Variants in ANKS1B observed in about 807,000 individuals in gnomAD.
The protein encoded by ANKS1B is ankyrin repeat and sterile alpha motif domain-containing protein 1B.
A neutral mutation model predicts 148.3 loss-of-function variants in ANKS1B; 36 were observed. That is an observed-to-expected ratio of 0.24 (90% CI 0.19 to 0.32). The LOEUF (loss-of-function observed/expected upper bound fraction) is 0.32. ANKS1B is among the 10% of genes least tolerant of loss of function. The pLI, the probability that ANKS1B is intolerant of heterozygous loss-of-function variation, is 1.00. For synonymous variants in ANKS1B, 542 were observed against 560.8 expected, an observed-to-expected ratio of 0.97 and a Z score of 0.47; for missense variants, 1,157 against 1,542.6, an observed-to-expected ratio of 0.75 and a Z score of 4.19.
At chr12:98,962,319 C>G (rs939529988) in intron 17 of ANKS1B, among the ~76,000 whole-genome samples, 2 of 150,844 alleles carry the variant, frequency 1.3e-5, no homozygotes, top group Non-Finnish European at 3.0e-5. Flanking sequence ...AAGACAAAAA[C>G]TATAAGAAGA....
intron 14 of ANKS1B, among the ~76,000 whole-genome samples, chr12:99,167,967 T>C (rs2077353396): frequency 6.6e-6 from 1 of 152,220 alleles, no homozygotes; most frequent in African/African-American, 2.4e-5. Context: ...TTCTGTATGA[T>C]TCCATTTATA....
chr12:99,883,048 T>C (rs1164082752), intron 1 of ANKS1B, among the ~76,000 whole-genome samples: 1 of 152,202 alleles, frequency 6.6e-6, no homozygotes, highest in Non-Finnish European at 1.5e-5. Flanking sequence ...AATGATGCCA[T>C]ATGCAAATGT....
intron 8 of ANKS1B, among the ~76,000 whole-genome samples, chr12:99,759,793 T>C (rs2061911911): frequency 6.6e-6 from 1 of 151,960 alleles, no homozygotes; most frequent in East Asian, 1.9e-4. Context: ...TTATCCAGAA[T>C]GTGAGGTTAA....
intron 17 of ANKS1B, among the ~76,000 whole-genome samples, chr12:98,898,025 G>A (rs2099767226): frequency 6.6e-6 from 1 of 152,156 alleles, no homozygotes; most frequent in Non-Finnish European, 1.5e-5. Context: ...TGGACATACA[G>A]AGGGAAACAG....
intron 17 of ANKS1B, among the ~76,000 whole-genome samples, chr12:98,842,841 C>A (rs912893202): frequency 1.3e-5 from 2 of 152,176 alleles, no homozygotes; most frequent in African/African-American, 4.8e-5. Context: ...GCTAATAGAT[C>A]AGTAGCATAT....
At chr12:99,610,286 T>C (rs1446001554) in intron 9 of ANKS1B, among the ~76,000 whole-genome samples, 1 of 152,022 alleles carries the variant, frequency 6.6e-6, no homozygotes, top group East Asian at 1.9e-4. Context: ...CTAATGGTAA[T>C]AGACTGAGTA....
chr12:99,714,597 G>A (rs1327223613), intron 8 of ANKS1B, among the ~76,000 whole-genome samples: 1 of 151,990 alleles, frequency 6.6e-6, no homozygotes, highest in African/African-American at 2.4e-5. Context: ...TGTTACTACT[G>A]TAATCACTTG....
chr12:99,027,025 CTG>C (rs1272793745), intron 17 of ANKS1B, among the ~76,000 whole-genome samples: 4 of 152,146 alleles, frequency 2.6e-5, no homozygotes, highest in Admixed American at 2.6e-4. Flanking sequence ...ATTTACAAGT[CTG>C]TAAGTTTGAG....
At chr12:99,067,745 A>C (rs1413755332) in intron 16 of ANKS1B, among the ~76,000 whole-genome samples, 1 of 152,156 alleles carries the variant, frequency 6.6e-6, no homozygotes, top group African/African-American at 2.4e-5. Context: ...CCCCTTTTAT[A>C]TTTATAGTTA....
At chr12:99,262,505 AAAT>A (rs1211722295) in intron 12 of ANKS1B, among the ~76,000 whole-genome samples, 1 of 152,070 alleles carries the variant, frequency 6.6e-6, no homozygotes, top group Non-Finnish European at 1.5e-5. Context: ...TCTGTTTATA[AAAT>A]AATATCTGTT....
intron 9 of ANKS1B, among the ~76,000 whole-genome samples, chr12:99,646,717 G>T (rs2098371348): frequency 6.8e-6 from 1 of 147,366 alleles, no homozygotes; most frequent in South Asian, 2.1e-4. Context: ...GTGTGTGTGT[G>T]TTTGTGTTCA....
At chr12:99,188,129 C>T (rs1476978681) in intron 14 of ANKS1B, among the ~76,000 whole-genome samples, 2 of 152,004 alleles carry the variant, frequency 1.3e-5, no homozygotes, top group African/African-American at 4.8e-5. Context: ...AGGATCAATG[C>T]AACAAAAAGA....
chr12:99,467,120 C>A (rs1474200022), intron 10 of ANKS1B, among the ~76,000 whole-genome samples: 1 of 152,178 alleles, frequency 6.6e-6, no homozygotes, highest in Non-Finnish European at 1.5e-5. Flanking sequence ...CCCTGGGATG[C>A]AAGGCTGGTT....
intron 8 of ANKS1B, among the ~76,000 whole-genome samples, chr12:99,674,170 G>A (rs999473238): frequency 4.6e-5 from 7 of 151,830 alleles, no homozygotes; most frequent in Non-Finnish European, 4.4e-5. Flanking sequence ...AATAATGTTT[G>A]AGAAAGCTGA....
chr12:99,832,040 A>G (rs2084091710), intron 1 of ANKS1B, among the ~76,000 whole-genome samples: 1 of 152,204 alleles, frequency 6.6e-6, no homozygotes, highest in African/African-American at 2.4e-5. Flanking sequence ...GATGGGCACA[A>G]ATTTTTAAAG....
rs1018934230 is a variant in ANKS1B, at chr12:98,920,810, T to A, written c.2779-88674A>T. Among the ~76,000 whole-genome samples the A allele has an allele frequency of 2.0e-5, 3 of 152,250 alleles. No individual in the cohort carries two copies. In the South Asian group the frequency reaches 6.2e-4, roughly 31 times the overall value. ...GCAATGAAATCTCCTTAGAGTTTTA[T>A]CTTTAAATCATTGATCTCAATGGAT... On this transcript the variant is annotated intron_variant, in intron 17 of 26. Transcript: ENST00000683438.
chr12:98,796,177 A>G (rs986969266), intron 22 of ANKS1B, among the ~76,000 whole-genome samples: 5 of 152,192 alleles, frequency 3.3e-5, no homozygotes, highest in Non-Finnish European at 5.9e-5. Context: ...CTTTGTTAAC[A>G]AAGTACATTT....
intron 17 of ANKS1B, among the ~76,000 whole-genome samples, chr12:99,024,999 TCTTA>T (rs1269147903): frequency 1.3e-5 from 2 of 152,202 alleles, no homozygotes; most frequent in African/African-American, 4.8e-5. Context: ...TTGGTTTTCC[TCTTA>T]CTTCTGTCTT....
chr12:99,625,704 T>G lies in ANKS1B; in HGVS notation c.1272+29363A>C, dbSNP rs377388602. On this transcript the variant is annotated intron_variant, in intron 9 of 26. Transcript: ENST00000683438. ...ATGATAACAATGCAGCTGGTGTAACTTAATATATGCAAATAAATATAAATA... is the reference window on the plus strand; with the variant it reads ...ATGATAACAATGCAGCTGGTGTAACGTAATATATGCAAATAAATATAAATA... Among the ~76,000 whole-genome samples, 3 of 152,274 alleles carry G rather than the reference T, an allele frequency of 2.0e-5. No individual in the cohort carries two copies. The East Asian group carries it at 5.8e-4, about 29-fold the overall frequency.
Sources: gnomAD v4.1 joint callset for allele counts (sites outside exome capture counted in the v4.1 genomes callset) on GRCh38, gnomAD v4.1.1 for gene constraint, MANE v1.5 for transcripts, NCBI Gene and HGNC (gene_info 2026-07-23, HGNC 2026-07-21) for gene names.